WFIKKN1: variants seen among roughly 807,000 people sequenced by gnomAD.
The protein encoded by WFIKKN1 is WAP, follistatin/kazal, immunoglobulin, kunitz and netrin domain containing 1.
Under a neutral mutation model 4.6 loss-of-function variants are expected in WFIKKN1, and 6 were observed. That is an observed-to-expected ratio of 1.31 (90% CI 0.72 to 2.59). The LOEUF (loss-of-function observed/expected upper bound fraction) is 2.59, where lower values mean the gene tolerates loss of function less well. Among genes scored for constraint, WFIKKN1 ranks in the 30% most tolerant of loss-of-function variants. The probability of loss-of-function intolerance (pLI) is 0.00; values close to 1 mark genes in which losing one functional copy is unlikely to be tolerated. For missense variants in WFIKKN1, 964 were observed against 818.0 expected, an observed-to-expected ratio of 1.18 and a Z score of -2.18; for synonymous variants, 468 against 367.4, an observed-to-expected ratio of 1.27 and a Z score of -3.13.
At position 631,063 on chromosome 16, in the gene WFIKKN1, C is replaced by A; in HGVS notation, c.-191C>A. 1 of 636,046 alleles carries A rather than the reference C, an allele frequency of 1.6e-6. No individual in the cohort carries two copies. Among genetic ancestry groups the A allele is most frequent in the Non-Finnish European group, 2.6e-6 (1 of 380,658 alleles). 39.4% of individuals were successfully genotyped at this position (636,046 alleles called of 1,614,324 possible). ...TCTGAGAACTTGGAGACCCCGTTAC[C>A]CACCCAGCAGGGGTGTCAGGACAAG... On this transcript the variant is annotated 5_prime_UTR_variant, in exon 1 of 2. Transcript: ENST00000319070.
chr16:632,599 G>C lies in WFIKKN1; in HGVS notation c.189G>C (p.Glu63Asp). The C allele has an allele frequency of 6.4e-7, 1 of 1,557,916 alleles. No homozygotes were observed. The highest frequency in any genetic ancestry group is 1.2e-5 in the South Asian group (1 of 84,032). The change falls in exon 2 of 2, where the codon GAG becomes GAC. Residue 63 changes from glutamate (E) to aspartate (D), a missense_variant. Coordinates refer to ENST00000319070, the MANE Select transcript of WFIKKN1 (RefSeq NM_053284.3). ...CSRDQDCAAA[E>D]KCCINVCGLH... The stretch of plus-strand genomic sequence containing the variant: ...ATCCCCAGGACTGTGCGGCTGCTGA[G>C]AAGTGCTGCATCAACGTGTGTGGAC...
At position 633,690 on chromosome 16, in the gene WFIKKN1, C is replaced by T. The variant is rs770568426; in HGVS notation, c.1280C>T (p.Ala427Val). The T allele has an allele frequency of 7.6e-6, 12 of 1,583,206 alleles. No homozygotes were observed. Among genetic ancestry groups the T allele is most frequent in the South Asian group, 6.8e-5 (6 of 87,600 alleles). ...GCCTGCCGCCTCCGGAGCAAGCTGG[C>T]GCTGAGCCTGTGCCGCAGCGACTTC... ...CRACRLRSKL[A>V]LSLCRSDFAI... is the part of the protein sequence containing the mutation. The change falls in exon 2 of 2, where the codon GCG becomes GTG. Residue 427 changes from alanine (A) to valine (V), a missense_variant. Physicochemically the swap from Ala to Val is moderately conservative, Grantham distance 64. Transcript: ENST00000319070.
chr16:634,031 G>T lies in WFIKKN1; in HGVS notation c.1621G>T (p.Glu541Ter). ...ILELLEKQACELLNRFQD is the reference protein window; with the variant it reads ...ILELLEKQAC ...GGAGCTGCTGGAGAAGCAGGCCTGC[G>T]AGCTGCTCAACCGCTTCCAGGACTA... The change falls in exon 2 of 2, where the codon GAG becomes TAG. Residue 541 changes from glutamate to a stop codon, truncating the protein, a stop_gained. Coordinates refer to ENST00000319070, the MANE Select transcript of WFIKKN1 (RefSeq NM_053284.3). LOFTEE classifies it high-confidence loss of function. 1.3e-6 allele frequency: 2 copies of T among 1,593,706 alleles called. No homozygotes were observed. Among genetic ancestry groups the T allele is most frequent in the South Asian group, 1.1e-5 (1 of 88,824 alleles).
rs758598623 is a variant in WFIKKN1 at position 632,956 on chromosome 16, G to A, written c.546G>A (p.Ala182=). 30 of 1,564,320 alleles carry A rather than the reference G, an allele frequency of 1.9e-5. No individual in the cohort carries two copies. Among genetic ancestry groups the A allele is most frequent in the Middle Eastern group, 3.4e-4 (2 of 5,850 alleles). Residue 182 remains alanine, a synonymous_variant, in exon 2 of 2, where the codon GCG becomes GCA. Transcript: ENST00000319070. ...ETTARPTPGA[A]PVPPALYSSP... ...CTGCCCGCCCCACACCTGGGGCCGC[G>A]CCCGTGCCTCCTGCCCTGTACAGCA...
At position 633,674 on chromosome 16, in the gene WFIKKN1, C is replaced by G; in HGVS notation, c.1264C>G (p.Leu422Val). 1 of 1,579,466 alleles carries G rather than the reference C, an allele frequency of 6.3e-7. No homozygotes were observed. The highest frequency in any genetic ancestry group is 8.6e-7 in the Non-Finnish European group (1 of 1,163,888). ...CACACCGCCCTGCCGCGCCTGCCGC[C>G]TCCGGAGCAAGCTGGCGCTGAGCCT... ...PRTPPCRACR[L>V]RSKLALSLCR... The change falls in exon 2 of 2, where the codon CTC becomes GTC. Residue 422 changes from leucine (L) to valine (V), a missense_variant. Physicochemically the swap from Leu to Val is conservative, Grantham distance 32 (BLOSUM62 1). Transcript: ENST00000319070.
chr16:633,736 G>A lies in WFIKKN1; in HGVS notation c.1326G>A (p.Thr442=), dbSNP rs560993642. 15 of 1,589,438 alleles carry A rather than the reference G, an allele frequency of 9.4e-6. No individual in the cohort carries two copies. Among genetic ancestry groups the A allele is most frequent in the East Asian group, 9.2e-5 (4 of 43,452 alleles). Residue 442 remains threonine, a synonymous_variant, in exon 2 of 2, where the codon ACG becomes ACA. Coordinates refer to ENST00000319070, the MANE Select transcript of WFIKKN1 (RefSeq NM_053284.3). The part of the protein sequence containing the change: ...RSDFAIVGRL[T]EVLEEPEAAG... The stretch of plus-strand genomic sequence containing the variant: ...ACTTCGCCATCGTGGGGCGGCTCAC[G>A]GAGGTGCTGGAGGAGCCCGAGGCCG...
At chr16:632,415 C>T (rs9923077) in intron 1 of WFIKKN1, 167 bp from the exon 2 acceptor site, 19 of 777,986 alleles carry the variant, frequency 2.4e-5, no homozygotes, top group East Asian at 1.6e-4. Flanking sequence ...GCACCTCTGG[C>T]GAGGTGGCTC....
At position 632,973 on chromosome 16, in the gene WFIKKN1, T is replaced by G. The variant is rs1489673468; in HGVS notation, c.563T>G (p.Leu188Arg). 1 of 1,590,126 alleles carries G rather than the reference T, an allele frequency of 6.3e-7. No homozygotes were observed. The highest frequency in any genetic ancestry group is 1.3e-5 in the African/African-American group (1 of 74,358). ...TPGAAPVPPALYSSPSPQAVQ... is the reference protein window; with the variant it reads ...TPGAAPVPPARYSSPSPQAVQ... ...GGGGCCGCGCCCGTGCCTCCTGCCC[T>G]GTACAGCAGCCCCTCCCCACAGGCG... Residue 188 changes from leucine (L) to arginine (R), a missense_variant, in exon 2 of 2, where the codon CTG becomes CGG. Coordinates refer to ENST00000319070, the MANE Select transcript of WFIKKN1 (RefSeq NM_053284.3).
intron 1 of WFIKKN1, chr16:632,059 TC>T (rs2036957549): frequency 1.4e-5 from 1 of 72,482 alleles, no homozygotes. Context: ...TCCCATCCAC[TC>T]CTCCCATCCA....
chr16:633,496 T>G lies in WFIKKN1; in HGVS notation c.1086T>G (p.Pro362=). The part of the protein sequence containing the change: ...ARGPGDACVL[P]AVQGPCRGWE... Reference sequence around the variant, plus strand: ...GCCCCGGCGACGCCTGCGTGCTGCCTGCCGTGCAGGGCCCCTGCCGGGGCT... The same window carrying G: ...GCCCCGGCGACGCCTGCGTGCTGCCGGCCGTGCAGGGCCCCTGCCGGGGCT... Residue 362 remains proline (P), a synonymous_variant, in exon 2 of 2, where the codon CCT becomes CCG. Coordinates refer to ENST00000319070, the MANE Select transcript of WFIKKN1 (RefSeq NM_053284.3). 1.3e-6 allele frequency: 2 copies of G among 1,515,600 alleles called. No individual in the cohort carries two copies. The highest frequency in any genetic ancestry group is 1.8e-6 in the Non-Finnish European group (2 of 1,141,316). The allele number at this position is 1,515,600 out of a possible 1,614,324, so 93.9% of individuals were successfully genotyped here.
At position 631,011 on chromosome 16, in the gene WFIKKN1, A is replaced by G; in HGVS notation, c.-243A>G. On this transcript the variant is annotated 5_prime_UTR_variant, in exon 1 of 2. Transcript: ENST00000319070. ...GACAGAGGGGCCAGGCTGAAGCTGG[A>G]GAGGAACCAGCGTCACACAGACGGC... The G allele has an allele frequency of 1.9e-6, 1 of 534,504 alleles. No individual in the cohort carries two copies. The highest frequency in any genetic ancestry group is 2.2e-5 in the South Asian group (1 of 44,578). 33.1% of individuals were successfully genotyped at this position (534,504 alleles called of 1,614,324 possible).
Position 631,200 on chromosome 16 carries a change from G to T in WFIKKN1, c.-54G>T, listed in dbSNP as rs2036944356. ...CCTGCAGGAAGCTGGGCTCTGTGGA[G>T]CCCGAGGAGGGGCTGGTGGCCACAC... On this transcript the variant is annotated 5_prime_UTR_variant, in exon 1 of 2. Coordinates refer to ENST00000319070, the MANE Select transcript of WFIKKN1 (RefSeq NM_053284.3). 1 of 1,511,466 alleles carries T rather than the reference G, an allele frequency of 6.6e-7. No individual in the cohort carries two copies. The highest frequency in any genetic ancestry group is 8.8e-7 in the Non-Finnish European group (1 of 1,135,024). 93.6% of individuals were successfully genotyped at this position (1,511,466 alleles called of 1,614,324 possible). A position where few individuals can be genotyped will look rare whatever the true frequency, so the allele number is the denominator to read the frequency against.
rs776412951 is a variant in WFIKKN1, at chr16:633,446, G to A, written c.1036G>A (p.Ala346Thr). 189 of 1,543,476 alleles carry A rather than the reference G, an allele frequency of 1.2e-4. No homozygotes were observed. Among genetic ancestry groups the A allele is most frequent in the Non-Finnish European group, 1.6e-4 (185 of 1,152,806 alleles). ...GAARGFETYEACQQACARGPG... is the reference protein window; with the variant it reads ...GAARGFETYETCQQACARGPG... ...GGCCCGCGGCTTTGAGACCTACGAG[G>A]CATGCCAGCAGGCCTGTGCCCGCGG... The change falls in exon 2 of 2, where the codon GCA (alanine) becomes ACA (threonine). Residue 346 changes from alanine (A) to threonine (T), a missense_variant. Coordinates refer to ENST00000319070, the MANE Select transcript of WFIKKN1 (RefSeq NM_053284.3).
At position 633,509 on chromosome 16, in the gene WFIKKN1, C is replaced by T. The variant is rs2036982164; in HGVS notation, c.1099C>T (p.Pro367Ser). The change falls in exon 2 of 2, where the codon CCC becomes TCC. Residue 367 changes from proline to serine, a missense_variant. Coordinates refer to ENST00000319070, the MANE Select transcript of WFIKKN1 (RefSeq NM_053284.3). ...CTGCGTGCTGCCTGCCGTGCAGGGCCCCTGCCGGGGCTGGGAGCCGCGCTG... is the reference window on the plus strand; with the variant it reads ...CTGCGTGCTGCCTGCCGTGCAGGGCTCCTGCCGGGGCTGGGAGCCGCGCTG... ...DACVLPAVQG[P>S]CRGWEPRWAY... 1.3e-6 allele frequency: 2 copies of T among 1,508,316 alleles called. No individual in the cohort carries two copies. Among genetic ancestry groups the T allele is most frequent in the Admixed American group, 2.3e-5 (1 of 44,214 alleles). The allele number at this position is 1,508,316 out of a possible 1,614,324, so 93.4% of individuals were successfully genotyped here.
rs1321247337 is a variant in WFIKKN1, at chr16:632,665, TGCGCCGACGACAGCG to T, written c.258_272del (p.Pro87_Ala91del). 1.0e-5 allele frequency: 16 copies of T among 1,603,848 alleles called. No homozygotes were observed. The Admixed American group carries it at 2.0e-4, about 20-fold the overall frequency. ...CAGCACGCTTCCCCGGCAGCCCAGC[TGCGCCGACGACAGCG>T]GCCTCCTGCGAGGGCTTTGTGTGCC... On this transcript the variant is annotated inframe_deletion, in exon 2 of 2. Transcript: ENST00000319070.
In WFIKKN1 at chr16:633,484, C is replaced by A; in HGVS notation, c.1074C>A (p.Ala358=). 1 of 1,520,400 alleles carries A rather than the reference C, an allele frequency of 6.6e-7. No homozygotes were observed. Among genetic ancestry groups the A allele is most frequent in the Admixed American group, 2.1e-5 (1 of 47,120 alleles). The allele number at this position is 1,520,400 out of a possible 1,614,324, so 94.2% of individuals were successfully genotyped here. The change falls in exon 2 of 2, where the codon GCC becomes GCA. Residue 358 remains alanine (A), a synonymous_variant. Transcript: ENST00000319070. ...CCTGTGCCCGCGGCCCCGGCGACGCCTGCGTGCTGCCTGCCGTGCAGGGCC... is the reference window on the plus strand; with the variant it reads ...CCTGTGCCCGCGGCCCCGGCGACGCATGCGTGCTGCCTGCCGTGCAGGGCC... The part of the protein sequence containing the change: ...QQACARGPGD[A]CVLPAVQGPC...
chr16:631,269 C>A lies in WFIKKN1; in HGVS notation c.16C>A (p.Pro6Thr), dbSNP rs762714937. The change falls in exon 1 of 2, where the codon CCA becomes ACA. Residue 6 changes from proline to threonine, a missense_variant. Transcript: ENST00000319070. ...GGCGGCCCTCATGCCCGCCCTACGTCCACTCCTGCCGCTCCTGCTCCTCCT... is the reference window on the plus strand; with the variant it reads ...GGCGGCCCTCATGCCCGCCCTACGTACACTCCTGCCGCTCCTGCTCCTCCT... MPALR[P>T]LLPLLLLLRL... The A allele has an allele frequency of 2.5e-6, 4 of 1,573,770 alleles. No homozygotes were observed. The African/African-American group carries it at 5.4e-5, about 21-fold the overall frequency.
In WFIKKN1 at chr16:633,977, G is replaced by A. The variant is rs760249916; in HGVS notation, c.1567G>A (p.Ala523Thr). The A allele has an allele frequency of 8.1e-6, 13 of 1,600,122 alleles. 1 individual carries two copies. The highest frequency in any genetic ancestry group is 4.5e-5 in the East Asian group (2 of 43,998). ...VLDAGSYVRA[A>T]SEKRVKKILE... is the part of the protein sequence containing the mutation. ...GGACGCCGGCAGCTACGTCCGCGCC[G>A]CCAGCGAGAAGCGCGTCAAGAAGAT... The change falls in exon 2 of 2, where the codon GCC becomes ACC. Residue 523 changes from alanine to threonine, a missense_variant. Physicochemically the swap from Ala to Thr is moderately conservative, Grantham distance 58. Coordinates refer to ENST00000319070, the MANE Select transcript of WFIKKN1 (RefSeq NM_053284.3).
At position 632,782 on chromosome 16, in the gene WFIKKN1, C is replaced by T; in HGVS notation, c.372C>T (p.Pro124=). Reference sequence around the variant, plus strand: ...GCCGCGACCGCTGTGAGAAGGAGCCCAGCTTCACCTGCGCCTCGGACGGCC... The same window carrying T: ...GCCGCGACCGCTGTGAGAAGGAGCCTAGCTTCACCTGCGCCTCGGACGGCC... The part of the protein sequence containing the change: ...CRCRDRCEKE[P]SFTCASDGLT... Residue 124 remains proline (P), a synonymous_variant, in exon 2 of 2, where the codon CCC becomes CCT. Transcript: ENST00000319070. The T allele has an allele frequency of 6.2e-7, 1 of 1,604,306 alleles. No individual in the cohort carries two copies. Among genetic ancestry groups the T allele is most frequent in the Non-Finnish European group, 8.5e-7 (1 of 1,175,460 alleles).
Sources: allele counts gnomAD v4.1 joint callset, GRCh38; gene constraint gnomAD v4.1.1; transcripts MANE v1.5; gene names NCBI Gene and HGNC (gene_info 2026-07-23, HGNC 2026-07-21).